The following ANKAR variants were observed in gnomAD, a reference collection of about 807,000 sequenced individuals.
ANKAR encodes ankyrin and armadillo repeat-containing protein.
A neutral mutation model predicts 146.2 loss-of-function variants in ANKAR; 136 were observed. The ratio of observed to expected loss-of-function variants is 0.93; its 90% CI spans 0.81 to 1.07. The LOEUF is 1.07. Among genes scored for constraint, ANKAR ranks in the 50% least tolerant of loss-of-function variants. The pLI is 0.00. For synonymous variants in ANKAR, 500 were observed against 575.8 expected, an observed-to-expected ratio of 0.87 and a Z score of 1.88; for missense variants, 1,567 against 1,679.9, an observed-to-expected ratio of 0.93 and a Z score of 1.18.
rs2033780064 is a variant in ANKAR at position 189,676,911 on chromosome 2, A to G, written c.421A>G (p.Thr141Ala). 1 of 1,614,168 alleles carries G rather than the reference A, an allele frequency of 6.2e-7. No individual in the cohort carries two copies. The change falls in exon 2 of 23, where the codon ACC (threonine) becomes GCC (alanine). Residue 141 changes from threonine to alanine, a missense_variant. Transcript: ENST00000684021. ...SCQLPPAYYDTRIGQILINID... is the reference protein window; with the variant it reads ...SCQLPPAYYDARIGQILINID... Reference sequence around the variant, plus strand: ...TCAATTACCTCCAGCTTATTATGATACCAGAATTGGGCAAATTCTGATCAA... The same window carrying G: ...TCAATTACCTCCAGCTTATTATGATGCCAGAATTGGGCAAATTCTGATCAA...
chr2:189,735,167 C>T (rs1368319392), intron 17 of ANKAR, among the ~76,000 whole-genome samples: 1 of 152,028 alleles, frequency 6.6e-6, no homozygotes, highest in Non-Finnish European at 1.5e-5. Flanking sequence ...CCTTCTTCTC[C>T]CTTTTGTTAC....
At chr2:189,685,989 A>G (rs964120416) in intron 2 of ANKAR, among the ~76,000 whole-genome samples, 4 of 152,074 alleles carry the variant, frequency 2.6e-5, no homozygotes, top group Non-Finnish European at 5.9e-5. Flanking sequence ...CCTCCACATA[A>G]TGCTTTCAGT....
At position 189,707,035 on chromosome 2, in the gene ANKAR, A is replaced by G; in HGVS notation, c.2008A>G (p.Ile670Val). The G allele has an allele frequency of 6.2e-7, 1 of 1,613,192 alleles. No individual in the cohort carries two copies. The highest frequency in any genetic ancestry group is 8.5e-7 in the Non-Finnish European group (1 of 1,179,222). Residue 670 changes from isoleucine (I) to valine (V), a missense_variant, in exon 9 of 23, where the codon ATT becomes GTT. Transcript: ENST00000684021. ...SIGANWRKTD[I>V]KGNNIIHLSV... is the part of the protein sequence containing the mutation. ...CGGTGCTAACTGGAGAAAAACAGAT[A>G]TTAAAGGAAATAATATAATCCATTT...
At chr2:189,690,151 T>A (rs2036172567) in intron 3 of ANKAR, among the ~76,000 whole-genome samples, 187 bp downstream of exon 3, 1 of 152,150 alleles carries the variant, frequency 6.6e-6, no homozygotes, top group Non-Finnish European at 1.5e-5. Context: ...ACTTTGTATA[T>A]ATTTATACCA....
rs1009148079 is a variant in ANKAR, at chr2:189,695,229, A to C, written c.1488+68A>C. 77 of 1,286,834 alleles carry C rather than the reference A, an allele frequency of 6.0e-5. 1 individual carries two copies. The East Asian group carries it at 1.8e-3, about 30-fold the overall frequency. The allele number at this position is 1,286,834 out of a possible 1,614,324, so 79.7% of individuals were successfully genotyped here. On this transcript the variant is annotated intron_variant, in intron 6 of 22. Transcript: ENST00000684021. The stretch of plus-strand genomic sequence containing the variant: ...TATTATTGATAAGTATGTGTCTCAA[A>C]CAGATGTTTATCCTAGGGATAATAA...
At chr2:189,761,552 G>A, downstream of ANKAR, 1 of 1,610,638 alleles carries the variant, frequency 6.2e-7, no homozygotes, top group Non-Finnish European at 8.5e-7. Context: ...TAGTGTTCCA[G>A]GATGAAAATT....
At chr2:189,706,186 A>G (rs1330575938) in intron 8 of ANKAR, among the ~76,000 whole-genome samples, 1 of 151,940 alleles carries the variant, frequency 6.6e-6, no homozygotes, top group Admixed American at 6.5e-5. Context: ...ACTTGAGGTC[A>G]GGAGTTCGAG....
rs1232931286 is a variant in ANKAR, at chr2:189,736,520, G to T, written c.3424-1163G>T. ...CTGGGTTTTGTGTGTGTGTGTGTGT[G>T]TGTGTGTGTGTGTGTGTGTATGTGA... On this transcript the variant is annotated intron_variant, in intron 17 of 22. Coordinates refer to ENST00000684021, the MANE Select transcript of ANKAR (RefSeq NM_001378068.1). Among the ~76,000 whole-genome samples, 278 of 74,162 alleles carry T rather than the reference G, an allele frequency of 3.7e-3. 12 individuals are homozygous for T. The highest frequency in any genetic ancestry group is 0.028 in the Admixed American group (153 of 5,458). 48.7% of individuals were successfully genotyped at this position (74,162 alleles called of 152,430 possible). A position where few individuals can be genotyped will look rare whatever the true frequency, so the allele number is the denominator to read the frequency against.
At chr2:189,707,617 C>CTTT (rs549088823) in intron 9 of ANKAR, among the ~76,000 whole-genome samples, 2 of 135,010 alleles carry the variant, frequency 1.5e-5, no homozygotes, top group African/African-American at 2.7e-5. Flanking sequence ...TATTTTCTTT[C>CTTT]TTTTTTTTTT....
intron 20 of ANKAR, among the ~76,000 whole-genome samples, chr2:189,743,018 T>G (rs1226238881): frequency 6.7e-6 from 1 of 150,166 alleles, no homozygotes; most frequent in Non-Finnish European, 1.5e-5. Flanking sequence ...TGGGCTTTTT[T>G]TTTTTTAAAC....
intron 2 of ANKAR, among the ~76,000 whole-genome samples, chr2:189,684,972 T>C (rs2035326855): frequency 6.6e-6 from 1 of 152,098 alleles, no homozygotes. Context: ...TACATATTCC[T>C]TCCAGCTAAT....
intron 18 of ANKAR, among the ~76,000 whole-genome samples, chr2:189,759,355 TCTC>T (rs1265004564): frequency 6.6e-6 from 1 of 152,060 alleles, no homozygotes; most frequent in African/African-American, 2.4e-5. Flanking sequence ...TTCACGCCAT[TCTC>T]CTGCCTCAGC....
intron 18 of ANKAR, among the ~76,000 whole-genome samples, chr2:189,751,883 C>T (rs1402934204): frequency 1.3e-5 from 2 of 151,690 alleles, no homozygotes; most frequent in Admixed American, 1.3e-4. Flanking sequence ...TGGTGGCTCA[C>T]ACCTGTCATC....
Position 189,728,778 on chromosome 2 carries a change from C to T in ANKAR, c.3150C>T (p.Gly1050=). The T allele has an allele frequency of 1.2e-6, 2 of 1,614,002 alleles. No individual in the cohort carries two copies. The highest frequency in any genetic ancestry group is 1.7e-6 in the Non-Finnish European group (2 of 1,179,904). The part of the protein sequence containing the change: ...RLLRISTIAE[G]TLLSVIRAVG... ...TAAGAATTAGTACGATTGCTGAAGG[C>T]ACACTTCTCAGTGTCATCAGAGCAG... Residue 1050 remains glycine, a synonymous_variant, in exon 15 of 23, where the codon GGC becomes GGT. Coordinates refer to ENST00000684021, the MANE Select transcript of ANKAR (RefSeq NM_001378068.1).
intron 2 of ANKAR, among the ~76,000 whole-genome samples, chr2:189,686,357 G>A (rs2035594339): frequency 6.6e-6 from 1 of 152,186 alleles, no homozygotes; most frequent in South Asian, 2.1e-4. Context: ...CTAAATTAAG[G>A]GTAACATTGT....
chr2:189,741,532 C>T lies in ANKAR; in HGVS notation c.3810+81C>T, dbSNP rs541207008. The T allele has an allele frequency of 2.6e-4, 237 of 918,988 alleles. 3 individuals are homozygous for T. The South Asian group carries it at 3.9e-3, about 15-fold the overall frequency. 56.9% of individuals were successfully genotyped at this position (918,988 alleles called of 1,614,324 possible). ...CTCTCCCTCTGTGGACTAATTTTTC[C>T]ACTGATTGACTGTGTTATAGATATA... On this transcript the variant is annotated intron_variant, in intron 20 of 22. Coordinates refer to ENST00000684021, the MANE Select transcript of ANKAR (RefSeq NM_001378068.1).
chr2:189,676,922 G>A lies in ANKAR; in HGVS notation c.432G>A (p.Gly144=). The change falls in exon 2 of 23, where the codon GGG becomes GGA. Residue 144 remains glycine, a synonymous_variant. Transcript: ENST00000684021. ...CAGCTTATTATGATACCAGAATTGG[G>A]CAAATTCTGATCAATATTGACTACA... is the stretch of plus-strand genomic sequence containing the variant. ...LPPAYYDTRI[G]QILINIDYML... The A allele has an allele frequency of 6.2e-7, 1 of 1,613,992 alleles. No homozygotes were observed. Among genetic ancestry groups the A allele is most frequent in the Non-Finnish European group, 8.5e-7 (1 of 1,179,994 alleles).
At chr2:189,705,610 G>A (rs531130854) in intron 8 of ANKAR, among the ~76,000 whole-genome samples, 5 of 152,318 alleles carry the variant, frequency 3.3e-5, no homozygotes, top group African/African-American at 1.2e-4. Flanking sequence ...TGAGACTAGG[G>A]AGGAGAGGGT....
intron 8 of ANKAR, 32 bp downstream of exon 8, chr2:189,705,256 G>A: frequency 6.3e-7 from 1 of 1,587,044 alleles, no homozygotes; most frequent in East Asian, 2.3e-5. Context: ...TCAGGTTGAG[G>A]TTGATGTCTA....
Sources: allele counts gnomAD v4.1 joint callset (sites outside exome capture counted in the v4.1 genomes callset), GRCh38; gene constraint gnomAD v4.1.1; transcripts MANE v1.5; gene names NCBI Gene and HGNC (gene_info 2026-07-23, HGNC 2026-07-21).